KIAA1614: variants seen among roughly 807,000 people sequenced by gnomAD.
KIAA1614 encodes the protein KIAA1614.
Under a neutral mutation model 88.7 loss-of-function variants are expected in KIAA1614, and 76 were observed. The ratio of observed to expected loss-of-function variants is 0.86; its 90% confidence interval spans 0.71 to 1.04. The LOEUF is 1.04. KIAA1614 is among the 50% of genes least tolerant of loss of function. The pLI is 0.00. For missense variants in KIAA1614, 1,553 were observed against 1,582.5 expected (o/e 0.98, Z 0.32); for synonymous variants, 714 against 675.5 (o/e 1.06, Z -0.88).
chr1:180,950,502 G>C lies in KIAA1614; in HGVS notation c.*4914G>C, dbSNP rs146576517. On this transcript the variant is annotated 3_prime_UTR_variant, in exon 9 of 9. Coordinates refer to ENST00000367588, the MANE Select transcript of KIAA1614 (RefSeq NM_020950.2). ...GCCCACTCAGAGAGCTTGTCAATCC[G>C]TGTCCTGAGGCAGAGACCTGTCCCA... is the stretch of plus-strand genomic sequence containing the variant. 2.1e-5 allele frequency: 24 copies of C among 1,128,230 alleles called. No homozygotes were observed. The African/African-American group carries it at 3.9e-4, about 18-fold the overall frequency. 69.9% of individuals were successfully genotyped at this position (1,128,230 alleles called of 1,614,324 possible).
chr1:180,920,969 A>C (rs116616147), intron 3 of KIAA1614, among the ~76,000 whole-genome samples: 35 of 152,216 alleles, frequency 2.3e-4, no homozygotes, highest in African/African-American at 8.4e-4. Flanking sequence ...GGCAAGAGCT[A>C]TGCTAAGTGC....
chr1:180,945,378 C>T lies in KIAA1614; in HGVS notation c.3363C>T (p.Gly1121=), dbSNP rs1654568703. ...CTCCCAGCCTGGCTCGCACCGTGGG[C>T]CGCCTGGTGGAGGTGTTCCCAGACG... ...VGAPSLARTV[G]RLVEVFPDGT... The change falls in exon 9 of 9, where the codon GGC becomes GGT. Residue 1121 remains glycine (G), a synonymous_variant. Coordinates refer to ENST00000367588, the MANE Select transcript of KIAA1614 (RefSeq NM_020950.2). The T allele has an allele frequency of 2.5e-6, 4 of 1,599,376 alleles. No homozygotes were observed. Among genetic ancestry groups the T allele is most frequent in the Non-Finnish European group, 3.4e-6 (4 of 1,175,508 alleles).
Position 180,935,601 on chromosome 1 carries a change from G to A in KIAA1614, c.1692G>A (p.Gln564=), listed in dbSNP as rs1322915311. ...TCCCCAGGACCCTCCAGGAGCTCCA[G>A]GCTGCCTGTGGGATGGAGAGGGTGC... ...PPVPRTLQEL[Q]AACGMERVLG... Residue 564 remains glutamine, a synonymous_variant, in exon 5 of 9, where the codon CAG becomes CAA. Coordinates refer to ENST00000367588, the MANE Select transcript of KIAA1614 (RefSeq NM_020950.2). The surrounding 1 kb of genome is among the most constrained non-coding windows in gnomAD (Gnocchi z 6.1). 1.9e-6 allele frequency: 3 copies of A among 1,610,956 alleles called. No individual in the cohort carries two copies. The highest frequency in any genetic ancestry group is 1.7e-5 in the Admixed American group (1 of 59,924).
intron 4 of KIAA1614, among the ~76,000 whole-genome samples, chr1:180,931,939 T>C (rs1284315465): frequency 1.3e-5 from 2 of 152,106 alleles, no homozygotes; most frequent in African/African-American, 4.8e-5. Context: ...TTGGGTCGGC[T>C]GGGCTGGGAG....
Position 180,949,538 on chromosome 1 carries a change from G to A in KIAA1614, c.*3950G>A, listed in dbSNP as rs1172195675. 2 of 152,304 alleles carry A rather than the reference G, an allele frequency of 1.3e-5. No individual in the cohort carries two copies. The highest frequency in any genetic ancestry group is 2.9e-5 in the Non-Finnish European group (2 of 68,088). 9.4% of individuals were successfully genotyped at this position (152,304 alleles called of 1,614,324 possible). A position where few individuals can be genotyped will look rare whatever the true frequency, so the allele number is the denominator to read the frequency against. On this transcript the variant is annotated 3_prime_UTR_variant, in exon 9 of 9. Transcript: ENST00000367588. ...CAAGCCCCACAGGGCCTGCCCCACT[G>A]ACGGGGGGCTCCCTGAGAGCCGGAG...
intron 4 of KIAA1614, among the ~76,000 whole-genome samples, chr1:180,930,424 A>T (rs535700420): frequency 6.6e-6 from 1 of 152,234 alleles, no homozygotes; most frequent in South Asian, 2.1e-4. Context: ...ATCTCAAAAA[A>T]AAAAGGAATG....
At position 180,936,208 on chromosome 1, in the gene KIAA1614, A is replaced by C; in HGVS notation, c.2299A>C (p.Thr767Pro). 6.2e-7 allele frequency: 1 copy of C among 1,614,160 alleles called. No individual in the cohort carries two copies. Among genetic ancestry groups the C allele is most frequent in the Non-Finnish European group, 8.5e-7 (1 of 1,180,012 alleles). ...GGGGCCAGGAGGCCAGGCCCAGGTT[A>C]CAGAAAGCCACGAGTCCCTGGAAAT... ...SSGPGGQAQV[T>P]ESHESLEIVS... is the part of the protein sequence containing the mutation. Residue 767 changes from threonine (T) to proline (P), a missense_variant, in exon 5 of 9, where the codon ACA becomes CCA. Coordinates refer to ENST00000367588, the MANE Select transcript of KIAA1614 (RefSeq NM_020950.2).
At position 180,945,879 on chromosome 1, in the gene KIAA1614, T is replaced by C. The variant is rs890687512; in HGVS notation, c.*291T>C. On this transcript the variant is annotated 3_prime_UTR_variant, in exon 9 of 9. Transcript: ENST00000367588. ...CAGAACTTTGGGAGGCCGAGGCGCCTGGATCACCTGAGGTCAGGAGTTCGA... is the reference window on the plus strand; with the variant it reads ...CAGAACTTTGGGAGGCCGAGGCGCCCGGATCACCTGAGGTCAGGAGTTCGA... The C allele has an allele frequency of 2.9e-6, 3 of 1,020,152 alleles. No individual in the cohort carries two copies. The East Asian group carries it at 1.8e-4, about 61-fold the overall frequency. 63.2% of individuals were successfully genotyped at this position (1,020,152 alleles called of 1,614,324 possible). A position where few individuals can be genotyped will look rare whatever the true frequency, so the allele number is the denominator to read the frequency against.
chr1:180,944,408 G>A lies in KIAA1614; in HGVS notation c.3179G>A (p.Arg1060His), dbSNP rs201368205. 124 of 1,613,698 alleles carry A rather than the reference G, an allele frequency of 7.7e-5. No individual in the cohort carries two copies. In the African/African-American group the frequency reaches 1.3e-3, roughly 17 times the overall value. ...SLHPVSPSHQ[R>H]RKAASFQNLH... is the part of the protein sequence containing the mutation. ...CATCAGGTGTCACCCTCTCACCAGC[G>A]TCGGAAAGCTGCCTCTTTTCAGAAC... Residue 1060 changes from arginine (R) to histidine (H), a missense_variant, in exon 8 of 9, where the codon CGT (arginine) becomes CAT (histidine). Transcript: ENST00000367588.
chr1:180,943,027 G>GTTTTTTTTTTTTTTTTTTTTTTTTTT (rs1261396134), intron 7 of KIAA1614, among the ~76,000 whole-genome samples: 10 of 22,326 alleles, frequency 4.5e-4, no homozygotes, highest in African/African-American at 7.6e-4. Context: ...TAGTTTTTTG[G>GTTTTTTTTTTTTTTTTTTTTTTTTTT]GTTTTTTTTT....
intron 7 of KIAA1614, among the ~76,000 whole-genome samples, chr1:180,942,209 G>A (rs893170986): frequency 5.3e-5 from 8 of 152,146 alleles, no homozygotes; most frequent in East Asian, 1.9e-4. Context: ...TTTGTATTCC[G>A]GTACTTACTA....
At chr1:180,931,933 G>A (rs1374147469) in intron 4 of KIAA1614, among the ~76,000 whole-genome samples, 3 of 152,044 alleles carry the variant, frequency 2.0e-5, no homozygotes, top group African/African-American at 7.2e-5. Context: ...CCTGCATTGG[G>A]TCGGCTGGGC....
intron 8 of KIAA1614, 117 bp downstream of exon 8, chr1:180,944,633 G>A: frequency 8.5e-7 from 1 of 1,180,166 alleles, no homozygotes; most frequent in Non-Finnish European, 1.2e-6. Context: ...TGAAGGGAAA[G>A]CAACAGGACA....
At chr1:180,922,439 G>A (rs911540814) in intron 3 of KIAA1614, among the ~76,000 whole-genome samples, 3 of 152,110 alleles carry the variant, frequency 2.0e-5, no homozygotes, top group Non-Finnish European at 4.4e-5. Flanking sequence ...CGAGGGGAAG[G>A]GGAGGGCGGG....
chr1:180,935,337 G>C lies in KIAA1614; in HGVS notation c.1428G>C (p.Leu476=). 1 of 1,479,278 alleles carries C rather than the reference G, an allele frequency of 6.8e-7. No individual in the cohort carries two copies. The highest frequency in any genetic ancestry group is 2.4e-5 in the Admixed American group (1 of 41,352). 91.6% of individuals were successfully genotyped at this position (1,479,278 alleles called of 1,614,324 possible). The change falls in exon 5 of 9, where the codon CTG becomes CTC. Residue 476 remains leucine, a synonymous_variant. Coordinates refer to ENST00000367588, the MANE Select transcript of KIAA1614 (RefSeq NM_020950.2). This position sits in a 1 kb window ranked among gnomAD's most constrained non-coding sequence, Gnocchi z 6.1. ...TGCAGCAGCGCCAGCGCCAGGTGCT[G>C]AGCACCGTGTTGCAGGCCGCGGACC... ...ERLQQRQRQV[L]STVLQAADQG...
In KIAA1614 at chr1:180,945,824, G is replaced by C. The variant is rs1055217825; in HGVS notation, c.*236G>C. On this transcript the variant is annotated 3_prime_UTR_variant, in exon 9 of 9. Transcript: ENST00000367588. ...TGACATCTTGAAATTAGAAGCTTAG[G>C]CCGGGCGCAGTGGCTCATGCCTGTA... 6 of 1,311,422 alleles carry C rather than the reference G, an allele frequency of 4.6e-6. No individual in the cohort carries two copies. In the African/African-American group the frequency reaches 7.8e-5, roughly 17 times the overall value. 81.2% of individuals were successfully genotyped at this position (1,311,422 alleles called of 1,614,324 possible).
intron 1 of KIAA1614, 22 bp downstream of exon 1, chr1:180,913,315 C>CCGGGCCGGCCGGGCGGGGGTGG (rs1236809522): frequency 1.6e-6 from 2 of 1,238,556 alleles, no homozygotes; most frequent in African/African-American, 3.1e-5. Flanking sequence ...GGAGGCAGCG[C>CCGGGCCGGCCGGGCGGGGGTGG]CGGGCCGGCC....
Position 180,944,628 on chromosome 1 carries a change from G to A in KIAA1614, c.3287+112G>A, listed in dbSNP as rs756895203. The A allele has an allele frequency of 9.7e-6, 12 of 1,236,022 alleles. No individual in the cohort carries two copies. The Admixed American group carries it at 2.8e-4, about 29-fold the overall frequency. 76.6% of individuals were successfully genotyped at this position (1,236,022 alleles called of 1,614,324 possible). On this transcript the variant is annotated intron_variant, in intron 8 of 8. Coordinates refer to ENST00000367588, the MANE Select transcript of KIAA1614 (RefSeq NM_020950.2). ...TGGCTCTGAGCAGGGTCCTTTGAAG[G>A]GAAAGCAACAGGACATGTGATGTGT... is the stretch of plus-strand genomic sequence containing the variant.
chr1:180,918,844 G>A (rs1653883128), intron 3 of KIAA1614, among the ~76,000 whole-genome samples: 2 of 152,192 alleles, frequency 1.3e-5, no homozygotes, highest in African/African-American at 2.4e-5. Context: ...AGCCTATAGA[G>A]GCTGGGTGGC....
Sources: allele counts gnomAD v4.1 joint callset (sites outside exome capture counted in the v4.1 genomes callset), GRCh38; gene constraint gnomAD v4.1.1; non-coding constraint Gnocchi (gnomAD v3.1); transcripts MANE v1.5; gene names NCBI Gene and HGNC (gene_info 2026-07-23, HGNC 2026-07-21).